The following CFAP54 variants were observed in gnomAD, a reference collection of about 807,000 sequenced individuals.
CFAP54 encodes the protein cilia- and flagella-associated protein 54.
In CFAP54, 290 loss-of-function variants were observed where a neutral mutation model predicts 370.4. That is an observed-to-expected ratio of 0.78 (90% CI 0.71 to 0.86). The LOEUF (loss-of-function observed/expected upper bound fraction) is 0.86. CFAP54 is among the 40% of genes least tolerant of loss of function. CFAP54 has a pLI of 0.00. For synonymous variants in CFAP54, 1,206 were observed against 1,236.5 expected, an observed-to-expected ratio of 0.98 and a Z score of 0.52; for missense variants, 3,399 against 3,528.7, an observed-to-expected ratio of 0.96 and a Z score of 0.93.
intron 32 of CFAP54, 72 bp from the exon 33 acceptor site, chr12:96,644,106 T>C: frequency 9.7e-7 from 1 of 1,029,404 alleles, no homozygotes; most frequent in East Asian, 2.6e-5. Context: ...TATTTCCAAA[T>C]TGGAATGATT....
At chr12:96,508,126 CTT>C (rs398020728) in intron 4 of CFAP54, among the ~76,000 whole-genome samples, 1 of 112,230 alleles carries the variant, frequency 8.9e-6, no homozygotes. Context: ...CAAACATAGT[CTT>C]TTTTTTTTTT....
chr12:96,535,279 A>G (rs543827202), intron 11 of CFAP54, among the ~76,000 whole-genome samples: 24 of 151,966 alleles, frequency 1.6e-4, no homozygotes, highest in Non-Finnish European at 2.9e-4. Context: ...CAAACTCCTG[A>G]CCTCAAGTGA....
At chr12:96,538,271 A>T (rs1185773964) in intron 12 of CFAP54, 113 bp from the exon 13 acceptor site, 2 of 933,328 alleles carry the variant, frequency 2.1e-6, no homozygotes, top group African/African-American at 3.3e-5. Flanking sequence ...CATTATGAAG[A>T]TTCAACATGT....
At chr12:96,746,899 C>G (rs1958120385) in intron 55 of CFAP54, among the ~76,000 whole-genome samples, 1 of 152,168 alleles carries the variant, frequency 6.6e-6, no homozygotes, top group African/African-American at 2.4e-5. Flanking sequence ...AAACTCTGTC[C>G]ATTCTTCAGA....
chr12:96,665,280 A>G lies in CFAP54; in HGVS notation c.5563+1348A>G, dbSNP rs559418285. On this transcript the variant is annotated intron_variant, in intron 39 of 67. Transcript: ENST00000524981. ...ACCATAGGGAGATATGTCTGTTTAC[A>G]ATGTTGATAGTTTCTTTTGCTGTGC... Among the ~76,000 whole-genome samples, 8 of 151,964 alleles carry G rather than the reference A, an allele frequency of 5.3e-5. No homozygotes were observed. The South Asian group carries it at 1.7e-3, about 32-fold the overall frequency.
intron 65 of CFAP54, among the ~76,000 whole-genome samples, chr12:96,826,100 T>G (rs1544672): frequency 0.85 from 123,312 of 144,474 alleles, 52,976 homozygotes; most frequent in African/African-American, 0.95. Context: ...AATGATAAAA[T>G]TACACTAATT....
At chr12:96,655,541 T>A (rs12581350) in intron 36 of CFAP54, among the ~76,000 whole-genome samples, 1 of 151,988 alleles carries the variant, frequency 6.6e-6, no homozygotes, top group Admixed American at 6.6e-5. Context: ...CTGGAATCAG[T>A]TAGAATACTT....
intron 66 of CFAP54, among the ~76,000 whole-genome samples, chr12:96,841,362 G>C (rs1287427728): frequency 6.6e-6 from 1 of 152,166 alleles, no homozygotes; most frequent in African/African-American, 2.4e-5. Context: ...TCAATGTTTA[G>C]TTTCCTTTCC....
chr12:96,535,546 G>A lies in CFAP54; in HGVS notation c.1737G>A (p.Glu579=). ...GTTTGAAGACTTGTGGATATTCAGAGGATATTTTCCATTTGGCAGCAACCT... is the reference window on the plus strand; with the variant it reads ...GTTTGAAGACTTGTGGATATTCAGAAGATATTTTCCATTTGGCAGCAACCT... ...DTCLKTCGYS[E]DIFHLAATLY... is the part of the protein sequence containing the mutation. Residue 579 remains glutamate (E), a synonymous_variant, in exon 12 of 68, where the codon GAG becomes GAA. Coordinates refer to ENST00000524981, the MANE Select transcript of CFAP54 (RefSeq NM_001306084.2). 4.6e-6 allele frequency: 7 copies of A among 1,535,890 alleles called. No individual in the cohort carries two copies. Among genetic ancestry groups the A allele is most frequent in the Middle Eastern group, 1.7e-4 (1 of 5,996 alleles).
intron 56 of CFAP54, 104 bp from the exon 57 acceptor site, chr12:96,756,354 G>T: frequency 1.5e-6 from 1 of 657,432 alleles, no homozygotes; most frequent in Non-Finnish European, 2.6e-6. Context: ...CATACAAAAG[G>T]ACAGCACATC....
intron 8 of CFAP54, among the ~76,000 whole-genome samples, chr12:96,524,301 A>G (rs369168609): frequency 5.3e-5 from 8 of 152,278 alleles, no homozygotes; most frequent in East Asian, 3.9e-4. Context: ...GGAGAATTAT[A>G]TCATAAATAA....
At chr12:96,629,587 A>G (rs1956584537) in intron 30 of CFAP54, among the ~76,000 whole-genome samples, 1 of 151,872 alleles carries the variant, frequency 6.6e-6, no homozygotes, top group Non-Finnish European at 1.5e-5. Flanking sequence ...TGCTGGGATT[A>G]CAGACGTGAG....
chr12:96,613,243 A>G (rs1956378325), intron 26 of CFAP54, among the ~76,000 whole-genome samples: 1 of 152,238 alleles, frequency 6.6e-6, no homozygotes, highest in Non-Finnish European at 1.5e-5. Flanking sequence ...CTACATGGAA[A>G]CTGAACAACC....
intron 6 of CFAP54, among the ~76,000 whole-genome samples, chr12:96,519,617 G>GT (rs780366033): frequency 5.3e-5 from 8 of 151,858 alleles, no homozygotes; most frequent in Non-Finnish European, 1.2e-4. Context: ...CCATTTCTGA[G>GT]TAAGATTTTT....
chr12:96,679,461 C>A, intron 39 of CFAP54, 139 bp from the exon 40 acceptor site: 1 of 732,384 alleles, frequency 1.4e-6, no homozygotes, highest in Non-Finnish European at 2.0e-6. Flanking sequence ...TGTTGAAACA[C>A]CTGCTGCAGA....
chr12:96,815,129 C>T (rs1047073044), intron 64 of CFAP54, among the ~76,000 whole-genome samples: 3 of 152,158 alleles, frequency 2.0e-5, no homozygotes, highest in Non-Finnish European at 4.4e-5. Flanking sequence ...GGAATTGCCA[C>T]ACTGTCTTCC....
chr12:96,827,007 TTATAATATGCAATTATATGTGATTATA>T (rs1565993960), intron 65 of CFAP54, among the ~76,000 whole-genome samples: 2,587 of 121,568 alleles, frequency 0.021, 90 homozygotes, highest in African/African-American at 0.059. Context: ...ATATGATTAA[TTATAATATGCAATTATATGTGATTATA>T]TATAATATGC....
intron 13 of CFAP54, among the ~76,000 whole-genome samples, chr12:96,538,889 A>G (rs1163903625): frequency 6.6e-6 from 1 of 151,342 alleles, no homozygotes; most frequent in Non-Finnish European, 1.5e-5. Flanking sequence ...AGTAGCTGGG[A>G]CTACAGGCAT....
chr12:96,832,365 C>G (rs1345622945), intron 66 of CFAP54, among the ~76,000 whole-genome samples: 2 of 151,664 alleles, frequency 1.3e-5, no homozygotes, highest in African/African-American at 4.8e-5. Flanking sequence ...TGGTTTCTGA[C>G]AGGTCTAGGT....
Sources: gnomAD v4.1 joint callset for allele counts (sites outside exome capture counted in the v4.1 genomes callset) on GRCh38, gnomAD v4.1.1 for gene constraint, MANE v1.5 for transcripts, NCBI Gene and HGNC (gene_info 2026-07-23, HGNC 2026-07-21) for gene names.